Variants in RHOBTB1 observed in about 807,000 individuals in gnomAD.
RHOBTB1 encodes Rho related BTB domain containing 1.
Under a neutral mutation model 71.6 loss-of-function variants are expected in RHOBTB1, and 40 were observed. That is an observed-to-expected ratio of 0.56 (90% CI 0.43 to 0.73). The LOEUF is 0.73. Ranked by LOEUF, RHOBTB1 falls within the 30% of genes least tolerant of loss-of-function variation. RHOBTB1 has a pLI of 0.00. For synonymous variants in RHOBTB1, 319 were observed against 334.9 expected (o/e 0.95, Z 0.52); for missense variants, 797 against 894.0 (o/e 0.89, Z 1.38).
At chr10:60,875,086 G>T in intron 8 of RHOBTB1, 44 bp from the exon 9 acceptor site, 1 of 1,461,842 alleles carries the variant, frequency 6.8e-7, no homozygotes. Context: ...ACCACGCCCT[G>T]CGAGCCAGGT....
chr10:60,979,517 C>T (rs2086424238), intron 2 of RHOBTB1, among the ~76,000 whole-genome samples: 1 of 152,012 alleles, frequency 6.6e-6, no homozygotes, highest in African/African-American at 2.4e-5. Context: ...TGCAGAATGG[C>T]AAATTATGGC....
chr10:60,992,628 T>A (rs1589477085), intron 1 of RHOBTB1, among the ~76,000 whole-genome samples: 1 of 152,194 alleles, frequency 6.6e-6, no homozygotes, highest in African/African-American at 2.4e-5. Context: ...TAGGCGAAAC[T>A]CAAATGTTGC....
chr10:60,861,309 A>G, the RHOBTB1 span, among the ~76,000 whole-genome samples: 1 of 152,164 alleles, frequency 6.6e-6, no homozygotes, highest in African/African-American at 2.4e-5. Flanking sequence ...ATATGTTCCG[A>G]TATTGGTCAA....
intron 2 of RHOBTB1, among the ~76,000 whole-genome samples, chr10:60,936,571 G>C (rs554589814): frequency 6.6e-6 from 1 of 152,232 alleles, no homozygotes; most frequent in East Asian, 1.9e-4. Flanking sequence ...TCTGGTTATG[G>C]CCTATTAAGC....
chr10:60,952,722 C>T (rs1441656870), intron 2 of RHOBTB1, among the ~76,000 whole-genome samples: 2 of 152,172 alleles, frequency 1.3e-5, no homozygotes, highest in South Asian at 2.1e-4. Context: ...TAATGGGCTA[C>T]AGCTCATCTT....
chr10:60,926,907 G>A (rs1032916907), intron 2 of RHOBTB1, among the ~76,000 whole-genome samples: 6 of 152,018 alleles, frequency 3.9e-5, no homozygotes, highest in African/African-American at 1.5e-4. Context: ...AAGAAATAAA[G>A]GACATTCAAA....
upstream of RHOBTB1, among the ~76,000 whole-genome samples, chr10:60,946,193 A>C (rs1464314112): frequency 6.6e-6 from 1 of 151,558 alleles, no homozygotes; most frequent in Non-Finnish European, 1.5e-5. Context: ...AAAAAAAAAC[A>C]AAAAACTGAC....
chr10:61,001,099 C>T (rs1018659505), intron 1 of RHOBTB1, among the ~76,000 whole-genome samples: 3 of 151,568 alleles, frequency 2.0e-5, no homozygotes, highest in Non-Finnish European at 2.9e-5. Flanking sequence ...TGTGTGTGTG[C>T]TGGGGGACGC....
intron 2 of RHOBTB1, among the ~76,000 whole-genome samples, chr10:60,912,347 G>C (rs12246070): frequency 0.27 from 40,367 of 151,890 alleles, 7,453 homozygotes; most frequent in African/African-American, 0.53. Flanking sequence ...GATTCGCCTG[G>C]CTCAGCCTCC....
chr10:60,863,763 C>G, the RHOBTB1 span, among the ~76,000 whole-genome samples: 2 of 152,150 alleles, frequency 1.3e-5, no homozygotes, highest in Admixed American at 6.5e-5. Flanking sequence ...GAACTCCTGA[C>G]CTCAAGTGAT....
At chr10:60,896,933 A>C (rs1001554250) in intron 4 of RHOBTB1, among the ~76,000 whole-genome samples, 4 of 152,212 alleles carry the variant, frequency 2.6e-5, no homozygotes, top group Non-Finnish European at 5.9e-5. Flanking sequence ...AGCCAAGCTC[A>C]GCTGCATCAG....
At chr10:60,992,881 C>T (rs528038859) in intron 1 of RHOBTB1, among the ~76,000 whole-genome samples, 77 of 152,186 alleles carry the variant, frequency 5.1e-4, no homozygotes, top group African/African-American at 1.8e-3. Context: ...ACAGAGAATG[C>T]CACAAATCCA....
intron 4 of RHOBTB1, 78 bp from the exon 5 acceptor site, chr10:60,893,073 C>T: frequency 1.9e-6 from 2 of 1,080,696 alleles, no homozygotes; most frequent in East Asian, 2.4e-5. Context: ...CCTCTCAAAC[C>T]CCATCCTTCT....
chr10:60,882,037 G>T (rs757437383), intron 7 of RHOBTB1, among the ~76,000 whole-genome samples: 3 of 152,020 alleles, frequency 2.0e-5, no homozygotes, highest in African/African-American at 7.2e-5. Flanking sequence ...CCTCATGGCT[G>T]ATTTTTTAAA....
At position 60,961,870 on chromosome 10, in the gene RHOBTB1, A is replaced by G. The variant is rs370790191; in HGVS notation, c.-61-20016T>C. Among the ~76,000 whole-genome samples, 781 of 139,918 alleles carry G rather than the reference A, an allele frequency of 5.6e-3. 1 individual carries two copies. Among genetic ancestry groups the G allele is most frequent in the Non-Finnish European group, 7.3e-3 (479 of 65,978 alleles). 91.8% of individuals were successfully genotyped at this position (139,918 alleles called of 152,430 possible). A position where few individuals can be genotyped will look rare whatever the true frequency, so the allele number is the denominator to read the frequency against. On this transcript the variant is annotated intron_variant, in intron 2 of 11. Transcript: ENST00000357917. ...ATCACCCAGGCTGGAGTGTAATGGG[A>G]TGATCTTGGCTCACTGCAACCTCCG...
At chr10:60,868,720 C>A (rs1190803349), downstream of RHOBTB1, among the ~76,000 whole-genome samples, 1 of 152,152 alleles carries the variant, frequency 6.6e-6, no homozygotes, top group African/African-American at 2.4e-5. Context: ...GTGCTGACAT[C>A]CCTGATGATT....
chr10:60,921,313 T>A (rs2083550652), intron 2 of RHOBTB1, among the ~76,000 whole-genome samples: 1 of 152,110 alleles, frequency 6.6e-6, no homozygotes, highest in Non-Finnish European at 1.5e-5. Flanking sequence ...GAACATGTCA[T>A]GAGGGCAGGG....
chr10:60,891,740 A>G (rs1007881774), intron 5 of RHOBTB1, among the ~76,000 whole-genome samples: 3 of 152,150 alleles, frequency 2.0e-5, no homozygotes, highest in African/African-American at 4.8e-5. Context: ...TTGTTTTTTT[A>G]TAAAGGGGAT....
upstream of RHOBTB1, among the ~76,000 whole-genome samples, chr10:60,948,799 C>T (rs1229187457): frequency 1.3e-5 from 2 of 152,160 alleles, no homozygotes; most frequent in Admixed American, 1.3e-4. Context: ...TTAATAACAC[C>T]CAACAACTTT....
Sources: allele counts gnomAD v4.1 joint callset (sites outside exome capture counted in the v4.1 genomes callset), GRCh38; gene constraint gnomAD v4.1.1; transcripts MANE v1.5; gene names NCBI Gene and HGNC (gene_info 2026-07-23, HGNC 2026-07-21).